Variants in UBE2D2 observed in about 807,000 individuals in gnomAD.
UBE2D2 encodes ubiquitin conjugating enzyme E2 D2, also known as ubiquitin-conjugating enzyme E2 D2.
Under a neutral mutation model 24.2 loss-of-function variants are expected in UBE2D2, and 2 were observed. The observed-to-expected ratio is 0.08, with a 90% CI of 0.03 to 0.26. The LOEUF (loss-of-function observed/expected upper bound fraction) is 0.26. Ranked by LOEUF, UBE2D2 falls within the 10% of genes least tolerant of loss-of-function variation. The pLI is 1.00. For synonymous variants in UBE2D2, 58 were observed against 56.5 expected, an observed-to-expected ratio of 1.03 and a Z score of -0.12; for missense variants, 44 against 177.6, an observed-to-expected ratio of 0.25 and a Z score of 4.28.
chr5:139,553,937 G>C (rs1474941165), intron 1 of UBE2D2, among the ~76,000 whole-genome samples: 1 of 151,944 alleles, frequency 6.6e-6, no homozygotes. Flanking sequence ...CCGCCACCAC[G>C]CCTGGCTAAT....
chr5:139,537,814 A>G (rs1752705311), intron 1 of UBE2D2, among the ~76,000 whole-genome samples: 1 of 151,768 alleles, frequency 6.6e-6, no homozygotes, highest in Non-Finnish European at 1.5e-5. Context: ...AATACAAAAA[A>G]TTAGCTGGGC....
intron 1 of UBE2D2, among the ~76,000 whole-genome samples, chr5:139,553,320 G>A (rs1752944533): frequency 6.6e-6 from 1 of 152,198 alleles, no homozygotes; most frequent in African/African-American, 2.4e-5. Context: ...TAGGGTTGCT[G>A]AGATCCGGAA....
chr5:139,531,205 A>G (rs980563287), intron 1 of UBE2D2, among the ~76,000 whole-genome samples: 6 of 152,218 alleles, frequency 3.9e-5, no homozygotes, highest in Non-Finnish European at 8.8e-5. Flanking sequence ...CAGGCCTGAA[A>G]GCAGGCCTGG....
At chr5:139,587,834 C>T (rs895513467) in intron 1 of UBE2D2, among the ~76,000 whole-genome samples, 5 of 152,102 alleles carry the variant, frequency 3.3e-5, no homozygotes, top group Non-Finnish European at 7.4e-5. Flanking sequence ...CATTGTCCCT[C>T]CTGCTGTGCT....
At chr5:139,579,297 G>A (rs1243706268) in intron 1 of UBE2D2, among the ~76,000 whole-genome samples, 9 of 152,006 alleles carry the variant, frequency 5.9e-5, no homozygotes, top group East Asian at 3.9e-4. Flanking sequence ...ACAGGCATGC[G>A]CCACCACACC....
intron 1 of UBE2D2, among the ~76,000 whole-genome samples, chr5:139,594,332 A>G (rs1313739985): frequency 2.6e-5 from 4 of 152,122 alleles, no homozygotes; most frequent in African/African-American, 4.8e-5. Context: ...TCTTTTTGCT[A>G]TAGTGTTGTG....
chr5:139,609,682 T>C (rs1265450460), intron 2 of UBE2D2, among the ~76,000 whole-genome samples: 2 of 149,438 alleles, frequency 1.3e-5, no homozygotes, highest in African/African-American at 2.5e-5. Context: ...CGCATCTCTA[T>C]TTAAAAAAAA....
intron 1 of UBE2D2, among the ~76,000 whole-genome samples, chr5:139,595,159 T>C (rs1024049465): frequency 2.0e-5 from 3 of 152,174 alleles, no homozygotes; most frequent in South Asian, 2.1e-4. Flanking sequence ...AAATAGAAAG[T>C]TGAAATTAAT....
chr5:139,555,732 T>TCCTG (rs569764814), intron 1 of UBE2D2, among the ~76,000 whole-genome samples: 433 of 147,986 alleles, frequency 2.9e-3, no homozygotes, highest in African/African-American at 0.01. Context: ...ATAGAGATCA[T>TCCTG]CCTGGCCAAC....
intron 1 of UBE2D2, among the ~76,000 whole-genome samples, chr5:139,593,167 T>C (rs1056552994): frequency 6.6e-6 from 1 of 151,780 alleles, no homozygotes; most frequent in African/African-American, 2.4e-5. Context: ...AGCTAACTTT[T>C]ATATTTTTAG....
chr5:139,618,220 C>T (rs1042548922), intron 5 of UBE2D2, among the ~76,000 whole-genome samples: 3 of 151,976 alleles, frequency 2.0e-5, no homozygotes, highest in Non-Finnish European at 2.9e-5. Context: ...GTGATCCGCC[C>T]GCCTCAGCCT....
chr5:139,576,943 CTTT>C (rs11418234), intron 1 of UBE2D2, among the ~76,000 whole-genome samples: 4 of 91,762 alleles, frequency 4.4e-5, no homozygotes, highest in South Asian at 7.5e-4. Context: ...TGGATCTGGC[CTTT>C]TTTTTTTTTT....
intron 1 of UBE2D2, among the ~76,000 whole-genome samples, chr5:139,544,648 A>G (rs1752801731): frequency 6.6e-6 from 1 of 151,908 alleles, no homozygotes; most frequent in South Asian, 2.1e-4. Flanking sequence ...AATTTTATGA[A>G]GATTAAAGAA....
At chr5:139,539,241 T>C (rs1199120680) in intron 1 of UBE2D2, among the ~76,000 whole-genome samples, 2 of 152,010 alleles carry the variant, frequency 1.3e-5, no homozygotes, top group African/African-American at 4.8e-5. Flanking sequence ...GTCAGGCTGG[T>C]CTCGAAACCC....
chr5:139,539,333 A>G (rs901080713), intron 1 of UBE2D2, among the ~76,000 whole-genome samples: 9 of 152,128 alleles, frequency 5.9e-5, no homozygotes, highest in African/African-American at 2.2e-4. Context: ...AGAAAAGTCA[A>G]TCTCAAAAGG....
chr5:139,568,115 G>A (rs772693053), intron 1 of UBE2D2, among the ~76,000 whole-genome samples: 1 of 151,570 alleles, frequency 6.6e-6, no homozygotes, highest in African/African-American at 2.4e-5. Context: ...AGGCTGAGGC[G>A]GGCCGACCAC....
At chr5:139,575,667 T>G (rs1240271853) in intron 1 of UBE2D2, among the ~76,000 whole-genome samples, 2 of 152,216 alleles carry the variant, frequency 1.3e-5, no homozygotes, top group Non-Finnish European at 2.9e-5. Context: ...CCACCTGTAA[T>G]GCATCATGCC....
intron 5 of UBE2D2, among the ~76,000 whole-genome samples, chr5:139,622,180 A>G (rs1292933114): frequency 6.6e-6 from 1 of 152,166 alleles, no homozygotes; most frequent in East Asian, 1.9e-4. Flanking sequence ...TGTATCTGGG[A>G]GACCAAGATG....
chr5:139,563,975 A>G (rs1034839327), intron 1 of UBE2D2, among the ~76,000 whole-genome samples: 1 of 152,184 alleles, frequency 6.6e-6, no homozygotes, highest in Admixed American at 6.6e-5. Context: ...ACATTGAATT[A>G]TATGTGTAAC....
Sources: gnomAD v4.1 joint callset for allele counts (sites outside exome capture counted in the v4.1 genomes callset) on GRCh38, gnomAD v4.1.1 for gene constraint, MANE v1.5 for transcripts, NCBI Gene and HGNC (gene_info 2026-07-23, HGNC 2026-07-21) for gene names.